Variants in NMNAT2 observed in about 807,000 individuals in gnomAD.
The protein encoded by NMNAT2 is nicotinamide/nicotinic acid mononucleotide adenylyltransferase 2.
Under a neutral mutation model 41.6 loss-of-function variants are expected in NMNAT2, and 11 were observed. The observed-to-expected ratio is 0.26, with a 90% CI of 0.17 to 0.44. The LOEUF is 0.44. Ranked by LOEUF, NMNAT2 falls within the 20% of genes least tolerant of loss-of-function variation. The pLI, the probability that NMNAT2 is intolerant of heterozygous loss-of-function variation, is 1.00. For missense variants in NMNAT2, 288 were observed against 407.7 expected (o/e 0.71, Z 2.53); for synonymous variants, 148 against 151.2 (o/e 0.98, Z 0.16).
chr1:183,350,899 G>C (rs192445001), intron 1 of NMNAT2, among the ~76,000 whole-genome samples: 42 of 152,260 alleles, frequency 2.8e-4, no homozygotes, highest in African/African-American at 9.6e-4. Context: ...TTTGCTCCAC[G>C]AGCTAGTTCA....
rs1467331220 is a variant in NMNAT2, at chr1:183,249,201, A to G, written c.*3440T>C. 6.6e-6 allele frequency: 1 copy of G among 152,144 alleles called. No individual in the cohort carries two copies. Among genetic ancestry groups the G allele is most frequent in the African/African-American group, 2.4e-5 (1 of 41,410 alleles). 9.4% of individuals were successfully genotyped at this position (152,144 alleles called of 1,614,324 possible). A position where few individuals can be genotyped will look rare whatever the true frequency, so the allele number is the denominator to read the frequency against. The stretch of plus-strand genomic sequence containing the variant: ...GTAAGAGACTTTCCCCCTTGTTCCT[A>G]TGTACATTCAAGGAAAATGAAAGCA... On this transcript the variant is annotated 3_prime_UTR_variant, in exon 11 of 11. Coordinates refer to ENST00000287713, the MANE Select transcript of NMNAT2 (RefSeq NM_015039.4).
intron 1 of NMNAT2, among the ~76,000 whole-genome samples, chr1:183,376,069 G>T (rs957979308): frequency 6.6e-6 from 1 of 152,182 alleles, no homozygotes; most frequent in African/African-American, 2.4e-5. Flanking sequence ...GGCCTAGGAA[G>T]TACTGGGGAA....
At chr1:183,341,978 A>C (rs1662827616) in intron 1 of NMNAT2, among the ~76,000 whole-genome samples, 1 of 150,976 alleles carries the variant, frequency 6.6e-6, no homozygotes, top group African/African-American at 2.4e-5. Context: ...GTTTCCTCCC[A>C]GACCAATTAC....
chr1:183,298,646 T>C (rs1052039287), intron 1 of NMNAT2, among the ~76,000 whole-genome samples: 1 of 152,188 alleles, frequency 6.6e-6, no homozygotes, highest in Non-Finnish European at 1.5e-5. Flanking sequence ...GTTGCCTCTG[T>C]GAACACAGGA....
At chr1:183,275,607 G>A (rs1661101790) in intron 8 of NMNAT2, among the ~76,000 whole-genome samples, 3 of 151,900 alleles carry the variant, frequency 2.0e-5, no homozygotes, top group South Asian at 4.2e-4. Flanking sequence ...TAGGATGGGT[G>A]TCCTGGGACT....
rs189568860 is a variant in NMNAT2, at chr1:183,398,872, A to C, written c.85+19311T>G. Among the ~76,000 whole-genome samples the C allele has an allele frequency of 8.5e-4, 130 of 152,368 alleles. 1 individual carries two copies. The East Asian group carries it at 0.02, about 24-fold the overall frequency. ...TGTTCTTTGAAACCAGTGAGAACAA[A>C]GACACAACATACCAGAATCTCTGGG... On this transcript the variant is annotated intron_variant, in intron 1 of 10. Coordinates refer to ENST00000287713, the MANE Select transcript of NMNAT2 (RefSeq NM_015039.4).
intron 1 of NMNAT2, among the ~76,000 whole-genome samples, chr1:183,306,896 A>T (rs1662006107): frequency 6.6e-6 from 1 of 152,100 alleles, no homozygotes; most frequent in Non-Finnish European, 1.5e-5. Context: ...GGAGGTAATA[A>T]TATTAATCTG....
At chr1:183,321,260 TCTTTC>T (rs1212650411) in intron 1 of NMNAT2, among the ~76,000 whole-genome samples, 1 of 152,236 alleles carries the variant, frequency 6.6e-6, no homozygotes, top group Non-Finnish European at 1.5e-5. Context: ...TTTCCTTTAC[TCTTTC>T]CTTTATTATG....
At chr1:183,274,594 T>C (rs1661076485) in intron 8 of NMNAT2, among the ~76,000 whole-genome samples, 1 of 151,748 alleles carries the variant, frequency 6.6e-6, no homozygotes, top group African/African-American at 2.4e-5. Flanking sequence ...ATTACAGGCG[T>C]GAGTCACCAC....
At chr1:183,360,095 T>A (rs1663274312) in intron 1 of NMNAT2, among the ~76,000 whole-genome samples, 1 of 152,130 alleles carries the variant, frequency 6.6e-6, no homozygotes, top group African/African-American at 2.4e-5. Context: ...GTCACTCAAT[T>A]GTGCTCTGTC....
intron 1 of NMNAT2, among the ~76,000 whole-genome samples, chr1:183,412,883 T>G (rs945635336): frequency 6.6e-6 from 1 of 152,186 alleles, no homozygotes; most frequent in African/African-American, 2.4e-5. Flanking sequence ...TGTTGCAGCA[T>G]GTCTATTCAT....
At chr1:183,301,039 T>C (rs1175999833) in intron 1 of NMNAT2, among the ~76,000 whole-genome samples, 4 of 152,254 alleles carry the variant, frequency 2.6e-5, no homozygotes, top group African/African-American at 7.2e-5. Context: ...CTGAGTCAGA[T>C]CTCGCCTTTA....
intron 8 of NMNAT2, among the ~76,000 whole-genome samples, chr1:183,276,653 C>T (rs1661130420): frequency 6.6e-6 from 1 of 152,246 alleles, no homozygotes; most frequent in Admixed American, 6.5e-5. Flanking sequence ...CAGCTGCTGA[C>T]CTCGTCCCTC....
In NMNAT2 at chr1:183,252,613, C is replaced by T. The variant is rs1226886353; in HGVS notation, c.*28G>A. On this transcript the variant is annotated 3_prime_UTR_variant, in exon 11 of 11. Coordinates refer to ENST00000287713, the MANE Select transcript of NMNAT2 (RefSeq NM_015039.4). ...AGGGGGCTGACAAAGATGGAGGGGC[C>T]ATTGTGTTGCCGGAGGACGAGGGGC... is the stretch of plus-strand genomic sequence containing the variant. The T allele has an allele frequency of 2.1e-6, 3 of 1,444,718 alleles. No homozygotes were observed. The African/African-American group carries it at 4.2e-5, about 20-fold the overall frequency. 89.5% of individuals were successfully genotyped at this position (1,444,718 alleles called of 1,614,324 possible).
intron 1 of NMNAT2, among the ~76,000 whole-genome samples, chr1:183,376,083 C>T (rs988497408): frequency 6.6e-6 from 1 of 152,134 alleles, no homozygotes; most frequent in East Asian, 1.9e-4. Context: ...TGGGGAACAC[C>T]TAAGGAGTGC....
chr1:183,277,802 A>C (rs938745792), intron 8 of NMNAT2, among the ~76,000 whole-genome samples: 1 of 152,194 alleles, frequency 6.6e-6, no homozygotes, highest in Non-Finnish European at 1.5e-5. Flanking sequence ...CAAACAAAAA[A>C]ACTGAGGCAG....
At chr1:183,256,146 G>A (rs886177555) in intron 10 of NMNAT2, among the ~76,000 whole-genome samples, 51 of 152,112 alleles carry the variant, frequency 3.4e-4, no homozygotes, top group Admixed American at 6.5e-4. Context: ...GGTGGCTCAC[G>A]CGTGTAATCC....
chr1:183,355,956 T>G (rs546668566), intron 1 of NMNAT2, among the ~76,000 whole-genome samples: 74 of 152,196 alleles, frequency 4.9e-4, no homozygotes, highest in Non-Finnish European at 9.7e-4. Flanking sequence ...AGCACAGTCT[T>G]CATAGAGCAG....
intron 1 of NMNAT2, among the ~76,000 whole-genome samples, chr1:183,300,440 G>T (rs918272112): frequency 6.7e-6 from 1 of 149,690 alleles, no homozygotes; most frequent in Non-Finnish European, 1.5e-5. Context: ...AGGCACCATG[G>T]CACCATTTAT....
Sources: gnomAD v4.1 joint callset for allele counts (sites outside exome capture counted in the v4.1 genomes callset) on GRCh38, gnomAD v4.1.1 for gene constraint, MANE v1.5 for transcripts, NCBI Gene and HGNC (gene_info 2026-07-23, HGNC 2026-07-21) for gene names.